PPP1R9A: variants seen among roughly 807,000 people sequenced by gnomAD.
The protein encoded by PPP1R9A is protein phosphatase 1 regulatory subunit 9A, also known as neurabin-1.
In PPP1R9A, 59 loss-of-function variants were observed where a neutral mutation model predicts 141.9. The ratio of observed to expected loss-of-function variants is 0.42; its 90% CI spans 0.34 to 0.52. PPP1R9A has a LOEUF of 0.52. PPP1R9A is among the 20% of genes least tolerant of loss of function. The pLI, the probability that PPP1R9A is intolerant of heterozygous loss-of-function variation, is 0.10. For synonymous variants in PPP1R9A, 500 were observed against 569.7 expected, an observed-to-expected ratio of 0.88 and a Z score of 1.74; for missense variants, 1,444 against 1,611.9, an observed-to-expected ratio of 0.90 and a Z score of 1.78.
intron 4 of PPP1R9A, among the ~76,000 whole-genome samples, chr7:95,134,503 C>T (rs1825272801): frequency 6.6e-6 from 1 of 152,156 alleles, no homozygotes; most frequent in Admixed American, 6.5e-5. Context: ...ATGGCGTGAT[C>T]TCGGCTCACC....
intron 7 of PPP1R9A, among the ~76,000 whole-genome samples, chr7:95,205,945 A>G (rs931417539): frequency 6.6e-6 from 1 of 152,014 alleles, no homozygotes; most frequent in Non-Finnish European, 1.5e-5. Flanking sequence ...CTAAACCACA[A>G]TCTTCTTCAT....
chr7:95,206,927 A>G (rs1790926108), intron 7 of PPP1R9A, among the ~76,000 whole-genome samples: 1 of 152,164 alleles, frequency 6.6e-6, no homozygotes, highest in Admixed American at 6.6e-5. Context: ...TGTAAGGTGA[A>G]AATAAATCTA....
rs17166544 is a variant in PPP1R9A at position 94,941,301 on chromosome 7, G to T, written c.1395+29793G>T. 6.1e-3 allele frequency among the ~76,000 whole-genome samples: 932 copies of T among 152,190 alleles called. 9 individuals are homozygous for T. The highest frequency in any genetic ancestry group is 0.021 in the African/African-American group (865 of 41,558). On this transcript the variant is annotated intron_variant, in intron 2 of 19. Transcript: ENST00000433360. ...GCCTTCAAGGGGTGCTGTGATGAGA[G>T]TATGTGTAAGTGGTAAGACAATTGC...
chr7:95,111,209 C>A, intron 2 of PPP1R9A, 50 bp from the exon 3 acceptor site: 2 of 1,444,980 alleles, frequency 1.4e-6, no homozygotes, highest in African/African-American at 1.4e-5. Context: ...GGATACCTGG[C>A]AGGTTTTTTT....
chr7:95,268,398 T>C, intron 12 of PPP1R9A, 152 bp from the exon 13 acceptor site: 1 of 704,360 alleles, frequency 1.4e-6, no homozygotes, highest in Non-Finnish European at 2.3e-6. Context: ...CCCCACTGAT[T>C]TCTTGGTTAT....
At chr7:95,258,866 A>T (rs895362135) in intron 12 of PPP1R9A, among the ~76,000 whole-genome samples, 1 of 152,200 alleles carries the variant, frequency 6.6e-6, no homozygotes, top group African/African-American at 2.4e-5. Flanking sequence ...TCATTAAAAT[A>T]ATTTGGCATT....
intron 4 of PPP1R9A, among the ~76,000 whole-genome samples, chr7:95,151,163 C>G (rs1175762774): frequency 6.6e-6 from 1 of 152,194 alleles, no homozygotes; most frequent in African/African-American, 2.4e-5. Flanking sequence ...TTTGTCCACA[C>G]AAAAACTTAC....
intron 16 of PPP1R9A, among the ~76,000 whole-genome samples, chr7:95,279,408 G>A (rs2153069306): frequency 6.6e-6 from 1 of 152,250 alleles, no homozygotes; most frequent in East Asian, 1.9e-4. Flanking sequence ...GCCTAAGCCT[G>A]GCCCAGTGAA....
At chr7:95,237,179 A>AT (rs1309474881) in intron 8 of PPP1R9A, among the ~76,000 whole-genome samples, 168 of 125,608 alleles carry the variant, frequency 1.3e-3, no homozygotes, top group East Asian at 3.8e-3. Context: ...ATATATATAT[A>AT]TTTTTTTTTT....
chr7:95,082,807 T>C (rs1816081689), intron 2 of PPP1R9A, among the ~76,000 whole-genome samples: 1 of 146,918 alleles, frequency 6.8e-6, no homozygotes, highest in South Asian at 2.2e-4. Flanking sequence ...AGTCTTGCTC[T>C]GTTGCCCAGG....
At chr7:95,105,591 T>C (rs1268086816) in intron 2 of PPP1R9A, among the ~76,000 whole-genome samples, 1 of 152,242 alleles carries the variant, frequency 6.6e-6, no homozygotes, top group African/African-American at 2.4e-5. Flanking sequence ...CTTGTTGGTG[T>C]TGAACATTAG....
chr7:95,257,717 C>T (rs1799801661), intron 12 of PPP1R9A, among the ~76,000 whole-genome samples: 2 of 151,956 alleles, frequency 1.3e-5, no homozygotes, highest in African/African-American at 2.4e-5. Flanking sequence ...CTTCCTGTGT[C>T]CATGTGTTCT....
At chr7:95,055,565 A>G (rs1563174031) in intron 2 of PPP1R9A, among the ~76,000 whole-genome samples, 1 of 152,146 alleles carries the variant, frequency 6.6e-6, no homozygotes, top group African/African-American at 2.4e-5. Flanking sequence ...AGACAGGTTA[A>G]TCTTCTTTAA....
chr7:94,997,391 T>C (rs1802330081), intron 2 of PPP1R9A, among the ~76,000 whole-genome samples: 1 of 152,204 alleles, frequency 6.6e-6, no homozygotes, highest in Non-Finnish European at 1.5e-5. Context: ...TTATCTTCTT[T>C]TAAATTTTTT....
At chr7:95,105,389 C>A (rs552096063) in intron 2 of PPP1R9A, among the ~76,000 whole-genome samples, 1 of 152,196 alleles carries the variant, frequency 6.6e-6, no homozygotes, top group Non-Finnish European at 1.5e-5. Context: ...AAACTTGTTA[C>A]CCCTGAAAGC....
intron 11 of PPP1R9A, 21 bp downstream of exon 11, chr7:95,251,879 C>A (rs1433031197): frequency 1.9e-6 from 3 of 1,612,028 alleles, no homozygotes; most frequent in Non-Finnish European, 2.5e-6. Flanking sequence ...TTCCCTAAGA[C>A]ACTAAATAAT....
chr7:94,919,193 G>A (rs1176853109), intron 2 of PPP1R9A, among the ~76,000 whole-genome samples: 3 of 151,970 alleles, frequency 2.0e-5, no homozygotes, highest in Non-Finnish European at 4.4e-5. Flanking sequence ...TCAGTGGCAC[G>A]ATCAAAGCTC....
chr7:95,161,766 T>G, intron 4 of PPP1R9A, 101 bp from the exon 5 acceptor site: 10 of 766,248 alleles, frequency 1.3e-5, no homozygotes, highest in Non-Finnish European at 2.0e-5. Context: ...AAAGAGTATC[T>G]TAAAAATCAC....
intron 5 of PPP1R9A, among the ~76,000 whole-genome samples, chr7:95,172,905 A>T (rs1466916399): frequency 6.6e-6 from 1 of 151,874 alleles, no homozygotes; most frequent in Non-Finnish European, 1.5e-5. Flanking sequence ...ACCTGCGCAG[A>T]TATGAAGAAT....
Sources: gnomAD v4.1 joint callset for allele counts (sites outside exome capture counted in the v4.1 genomes callset) on GRCh38, gnomAD v4.1.1 for gene constraint, MANE v1.5 for transcripts, NCBI Gene and HGNC (gene_info 2026-07-23, HGNC 2026-07-21) for gene names.